RAD51B: variants seen among roughly 807,000 people sequenced by gnomAD.
The protein encoded by RAD51B is RAD51 paralog B, also known as DNA repair protein RAD51 homolog 2.
RAD51B carries 38 observed loss-of-function variants against 42.2 expected under a neutral mutation model. The observed-to-expected ratio is 0.90, with a 90% confidence interval of 0.70 to 1.18. The LOEUF (loss-of-function observed/expected upper bound fraction) is 1.18, where lower values mean the gene tolerates loss of function less well. Among genes scored for constraint, RAD51B ranks in the 50% most tolerant of loss-of-function variants. The pLI is 0.00. For missense variants in RAD51B, 373 were observed against 400.7 expected, an observed-to-expected ratio of 0.93 and a Z score of 0.59; for synonymous variants, 154 against 145.2, an observed-to-expected ratio of 1.06 and a Z score of -0.43.
At chr14:68,327,471 G>A (rs1040345735) in intron 8 of RAD51B, among the ~76,000 whole-genome samples, 3 of 149,416 alleles carry the variant, frequency 2.0e-5, no homozygotes, top group Non-Finnish European at 3.0e-5. Flanking sequence ...AGTATATTAC[G>A]CTTGGAGGCA....
chr14:68,173,070 C>G (rs919623770), intron 7 of RAD51B, among the ~76,000 whole-genome samples: 3 of 152,128 alleles, frequency 2.0e-5, no homozygotes, highest in African/African-American at 7.2e-5. Flanking sequence ...TGTAAAGTAT[C>G]ATTTTTAAAT....
At chr14:67,850,676 G>A (rs757621894) in intron 4 of RAD51B, among the ~76,000 whole-genome samples, 6 of 150,210 alleles carry the variant, frequency 4.0e-5, no homozygotes, top group Non-Finnish European at 7.4e-5. Flanking sequence ...ACATAGCTGG[G>A]TAGAGTGGAT....
chr14:68,056,647 G>A (rs2076480179), intron 7 of RAD51B, among the ~76,000 whole-genome samples: 1 of 151,968 alleles, frequency 6.6e-6, no homozygotes, highest in Non-Finnish European at 1.5e-5. Context: ...TACTCGGGAG[G>A]CTGAGGCAGA....
intron 7 of RAD51B, among the ~76,000 whole-genome samples, chr14:68,143,216 G>A (rs2078170399): frequency 6.6e-6 from 1 of 152,154 alleles, no homozygotes; most frequent in South Asian, 2.1e-4. Context: ...TGTAAAATCA[G>A]TCTGATCAGG....
intron 10 of RAD51B, among the ~76,000 whole-genome samples, chr14:68,494,152 T>C (rs1594910442): frequency 6.6e-6 from 1 of 152,156 alleles, no homozygotes; most frequent in Middle Eastern, 3.4e-3. Flanking sequence ...TGGTGGCACA[T>C]GCCTGTAATC....
At chr14:68,068,121 C>CT (rs1566619710) in intron 7 of RAD51B, among the ~76,000 whole-genome samples, 2 of 151,902 alleles carry the variant, frequency 1.3e-5, no homozygotes, top group South Asian at 4.2e-4. Context: ...TCAATGAAAA[C>CT]TTTTTTTAAA....
At chr14:68,100,183 A>C (rs2077264463) in intron 7 of RAD51B, among the ~76,000 whole-genome samples, 1 of 152,216 alleles carries the variant, frequency 6.6e-6, no homozygotes, top group Non-Finnish European at 1.5e-5. Context: ...AAAGACCTCA[A>C]CTATAGAAGG....
At chr14:68,548,730 G>A (rs750802154) in intron 10 of RAD51B, among the ~76,000 whole-genome samples, 8 of 152,166 alleles carry the variant, frequency 5.3e-5, no homozygotes, top group East Asian at 1.9e-4. Flanking sequence ...CAGGGTGGGC[G>A]TCCTGACACT....
intron 7 of RAD51B, among the ~76,000 whole-genome samples, chr14:68,277,825 G>A (rs746638786): frequency 4.6e-5 from 7 of 152,038 alleles, no homozygotes; most frequent in African/African-American, 7.2e-5. Flanking sequence ...TGCAACCTCC[G>A]TCTCCCAGGT....
chr14:68,431,905 T>C (rs1230514057), intron 9 of RAD51B, among the ~76,000 whole-genome samples: 1 of 152,236 alleles, frequency 6.6e-6, no homozygotes, highest in East Asian at 1.9e-4. Context: ...TAAATTTCCC[T>C]CTACACCCTG....
chr14:68,254,734 T>C (rs2080715273), intron 7 of RAD51B, among the ~76,000 whole-genome samples: 1 of 152,228 alleles, frequency 6.6e-6, no homozygotes, highest in Non-Finnish European at 1.5e-5. Context: ...TGTATATATT[T>C]TATGCACTTA....
At chr14:68,118,662 G>A (rs538266852) in intron 7 of RAD51B, among the ~76,000 whole-genome samples, 19 of 152,324 alleles carry the variant, frequency 1.2e-4, no homozygotes, top group African/African-American at 4.3e-4. Flanking sequence ...TTGTGCAGGT[G>A]TATTTTGAGC....
chr14:68,539,307 C>T (rs753197405), intron 10 of RAD51B, among the ~76,000 whole-genome samples: 30 of 152,136 alleles, frequency 2.0e-4, no homozygotes, highest in Non-Finnish European at 4.1e-4. Context: ...GATGGATCAG[C>T]CAGCCCCACC....
chr14:67,966,206 AC>A (rs547289445), intron 7 of RAD51B, among the ~76,000 whole-genome samples: 98 of 152,268 alleles, frequency 6.4e-4, no homozygotes, highest in African/African-American at 2.2e-3. Context: ...ATGATTAGGA[AC>A]TCACAGGACC....
intron 7 of RAD51B, among the ~76,000 whole-genome samples, chr14:68,195,470 G>T (rs1301202425): frequency 6.6e-6 from 1 of 152,014 alleles, no homozygotes; most frequent in African/African-American, 2.4e-5. Context: ...ACTTTTTTGA[G>T]GATGACCTAC....
intron 1 of RAD51B, among the ~76,000 whole-genome samples, chr14:67,820,599 T>C (rs180966732): frequency 6.6e-6 from 1 of 152,196 alleles, no homozygotes; most frequent in East Asian, 1.9e-4. Context: ...CATAATAGTA[T>C]TTTGATAAGA....
chr14:68,538,960 C>T (rs1256878106), intron 10 of RAD51B, among the ~76,000 whole-genome samples: 1 of 152,206 alleles, frequency 6.6e-6, no homozygotes, highest in East Asian at 1.9e-4. Context: ...TGTATAAAGC[C>T]ACCATGCCAT....
chr14:68,068,988 G>T (rs2076698122), intron 7 of RAD51B, among the ~76,000 whole-genome samples: 1 of 147,132 alleles, frequency 6.8e-6, no homozygotes, highest in African/African-American at 2.5e-5. Flanking sequence ...TGACAATTTT[G>T]CTGGTGTTCT....
intron 7 of RAD51B, among the ~76,000 whole-genome samples, chr14:68,264,019 A>C (rs1222829788): frequency 1.3e-5 from 2 of 152,214 alleles, no homozygotes; most frequent in African/African-American, 4.8e-5. Context: ...CCAAAACACA[A>C]AAGTGAACTA....
Sources: allele counts gnomAD v4.1 joint callset (sites outside exome capture counted in the v4.1 genomes callset), GRCh38; gene constraint gnomAD v4.1.1; transcripts MANE v1.5; gene names NCBI Gene and HGNC (gene_info 2026-07-23, HGNC 2026-07-21).